ZC3HC1: variants seen among roughly 807,000 people sequenced by gnomAD.
ZC3HC1 encodes zinc finger C3HC-type protein 1.
Under a neutral mutation model 61.9 loss-of-function variants are expected in ZC3HC1, and 38 were observed. That is an observed-to-expected ratio of 0.61 (90% confidence interval 0.47 to 0.81). The LOEUF (loss-of-function observed/expected upper bound fraction) is 0.81. ZC3HC1 is among the 30% of genes least tolerant of loss of function. The pLI, the probability that ZC3HC1 is intolerant of heterozygous loss-of-function variation, is 0.00. For synonymous variants in ZC3HC1, 213 were observed against 229.9 expected (o/e 0.93, Z 0.67); for missense variants, 554 against 622.7 (o/e 0.89, Z 1.17).
intron 5 of ZC3HC1, among the ~76,000 whole-genome samples, chr7:130,027,603 T>C (rs974214447): frequency 6.6e-6 from 1 of 151,960 alleles, no homozygotes; most frequent in African/African-American, 2.4e-5. Flanking sequence ...CACTGCAACC[T>C]GTCTCCCAGG....
intron 2 of ZC3HC1, among the ~76,000 whole-genome samples, chr7:130,048,407 T>G (rs1291817771): frequency 1.3e-5 from 2 of 152,102 alleles, no homozygotes; most frequent in African/African-American, 4.8e-5. Flanking sequence ...TGACCAACCT[T>G]AATTGCAGTC....
intron 6 of ZC3HC1, 98 bp from the exon 7 acceptor site, chr7:130,024,604 G>A: frequency 7.3e-7 from 1 of 1,364,060 alleles, no homozygotes. Context: ...TCCAATTTCT[G>A]GAACAGTCAC....
intron 2 of ZC3HC1, chr7:130,043,919 T>C (rs191914413): frequency 1.3e-5 from 6 of 448,554 alleles, no homozygotes; most frequent in Non-Finnish European, 2.2e-5. Context: ...TTTCACAGTG[T>C]TGAATATGGG....
chr7:130,030,639 T>C (rs1794139902), intron 4 of ZC3HC1, among the ~76,000 whole-genome samples: 1 of 152,004 alleles, frequency 6.6e-6, no homozygotes, highest in Admixed American at 6.6e-5. Context: ...CAGCCTCAAA[T>C]TGACATTTAG....
At position 130,046,945 on chromosome 7, in the gene ZC3HC1, C is replaced by T. The variant is rs185560033; in HGVS notation, c.258+2088G>A. On this transcript the variant is annotated intron_variant, in intron 2 of 9. Coordinates refer to ENST00000358303, the MANE Select transcript of ZC3HC1 (RefSeq NM_016478.5). ...CTGGGATTACAGGCGCATGCCACCA[C>T]ACCCAGCTAACTGTGCATTCTTTTT... 1.0e-4 allele frequency among the ~76,000 whole-genome samples: 15 copies of T among 150,036 alleles called. No homozygotes were observed. In the East Asian group the frequency reaches 1.6e-3, roughly 16 times the overall value.
chr7:130,042,352 C>T (rs541142999), intron 2 of ZC3HC1, among the ~76,000 whole-genome samples: 1 of 150,258 alleles, frequency 6.7e-6, no homozygotes. Flanking sequence ...TAGAATATAG[C>T]ATCCATTAAT....
chr7:130,024,860 A>G (rs1429390213), intron 6 of ZC3HC1, among the ~76,000 whole-genome samples: 1 of 144,512 alleles, frequency 6.9e-6, no homozygotes, highest in Non-Finnish European at 1.5e-5. Context: ...CCTGACCAAC[A>G]ACAACAACAA....
intron 4 of ZC3HC1, 78 bp downstream of exon 4, chr7:130,039,386 A>T: frequency 2.6e-6 from 3 of 1,172,952 alleles, no homozygotes; most frequent in Non-Finnish European, 2.5e-6. Context: ...TTCAAAGACT[A>T]GGTTTTCACA....
intron 5 of ZC3HC1, 150 bp from the exon 6 acceptor site, chr7:130,026,462 A>C: frequency 1.3e-6 from 1 of 764,178 alleles, no homozygotes; most frequent in Non-Finnish European, 2.0e-6. Context: ...AAATACTTCC[A>C]GGGACAGGGC....
chr7:130,040,389 G>A (rs968990129), intron 3 of ZC3HC1, among the ~76,000 whole-genome samples: 2 of 142,792 alleles, frequency 1.4e-5, no homozygotes, highest in African/African-American at 6.0e-5. Flanking sequence ...AGCTACTTGG[G>A]AGGCTGAGGC....
At chr7:130,044,309 T>C (rs1478339542) in intron 2 of ZC3HC1, among the ~76,000 whole-genome samples, 1 of 152,160 alleles carries the variant, frequency 6.6e-6, no homozygotes, top group Non-Finnish European at 1.5e-5. Context: ...TGTGCCACCA[T>C]GCCCAGTTCA....
Position 130,038,726 on chromosome 7 carries a change from A to G in ZC3HC1, c.493+738T>C, listed in dbSNP as rs113132111. On this transcript the variant is annotated intron_variant, in intron 4 of 9. Transcript: ENST00000358303. ...ATTTTAAAAATTAGCAGGGTGTGGC[A>G]GCGTGTACCTGTAATCCCAGCTACT... Among the ~76,000 whole-genome samples, 948 of 151,812 alleles carry G rather than the reference A, an allele frequency of 6.2e-3. 12 individuals carry two copies. The highest frequency in any genetic ancestry group is 0.021 in the African/African-American group (889 of 41,408).
rs561357828 is a variant in ZC3HC1, at chr7:130,024,523, AAG to A, written c.777-19_777-18del. On this transcript the variant is annotated intron_variant, in intron 6 of 9. Coordinates refer to ENST00000358303, the MANE Select transcript of ZC3HC1 (RefSeq NM_016478.5). The stretch of plus-strand genomic sequence containing the variant: ...AAAGAGGAACTAGATAGGAATGAAA[AAG>A]AGAGTTTTCTCAAAGTGTAACATTT... The A allele has an allele frequency of 4.2e-5, 67 of 1,589,576 alleles. No individual in the cohort carries two copies. The highest frequency in any genetic ancestry group is 3.0e-4 in the South Asian group (27 of 89,032).
chr7:130,035,711 T>C (rs1485372184), intron 4 of ZC3HC1, among the ~76,000 whole-genome samples: 1 of 152,168 alleles, frequency 6.6e-6, no homozygotes, highest in Non-Finnish European at 1.5e-5. Flanking sequence ...CTCGAACTCC[T>C]GACCTTGTGG....
Position 130,026,328 on chromosome 7 carries a change from G to A in ZC3HC1, c.622-16C>T. On this transcript the variant is annotated splice_polypyrimidine_tract_variant and intron_variant, in intron 5 of 9. Coordinates refer to ENST00000358303, the MANE Select transcript of ZC3HC1 (RefSeq NM_016478.5). ...CTGTCAAGCACTACAAGGGAGCCAA[G>A]TAAAAAACTTCGTTTCAACCACCAT... 1.9e-6 allele frequency: 3 copies of A among 1,591,332 alleles called. No homozygotes were observed. Among genetic ancestry groups the A allele is most frequent in the Non-Finnish European group, 2.6e-6 (3 of 1,165,350 alleles).
chr7:130,044,359 C>T (rs117766049), intron 2 of ZC3HC1, among the ~76,000 whole-genome samples: 5,604 of 152,162 alleles, frequency 0.037, 171 homozygotes, highest in South Asian at 0.067. Context: ...TGAAAAACAG[C>T]CAAGGATCCT....
intron 2 of ZC3HC1, among the ~76,000 whole-genome samples, chr7:130,042,489 T>C (rs781033306): frequency 6.6e-5 from 10 of 152,112 alleles, no homozygotes; most frequent in Non-Finnish European, 1.3e-4. Context: ...TATGCTCTCC[T>C]ACTGTACCCC....
intron 5 of ZC3HC1, among the ~76,000 whole-genome samples, chr7:130,027,752 C>A (rs1181669988): frequency 6.6e-6 from 1 of 152,028 alleles, no homozygotes; most frequent in Non-Finnish European, 1.5e-5. Context: ...CTCCTGACCT[C>A]AGGTGATCTA....
At position 130,024,144 on chromosome 7, in the gene ZC3HC1, G is replaced by A. The variant is rs542883791; in HGVS notation, c.1020+119C>T. 2.0e-5 allele frequency: 28 copies of A among 1,369,316 alleles called. No homozygotes were observed. In the East Asian group the frequency reaches 2.5e-4, roughly 12 times the overall value. 84.8% of individuals were successfully genotyped at this position (1,369,316 alleles called of 1,614,324 possible). ...GTGAACAGAAACACTATGTGGTATC[G>A]TAACCAATGTAGTGGGAAGAGAAGC... On this transcript the variant is annotated intron_variant, in intron 7 of 9. Coordinates refer to ENST00000358303, the MANE Select transcript of ZC3HC1 (RefSeq NM_016478.5).
Sources: allele counts gnomAD v4.1 joint callset (sites outside exome capture counted in the v4.1 genomes callset), GRCh38; gene constraint gnomAD v4.1.1; transcripts MANE v1.5; gene names NCBI Gene and HGNC (gene_info 2026-07-23, HGNC 2026-07-21).